The following SMARCAD1 variants were observed in gnomAD, a reference collection of about 807,000 sequenced individuals.
The protein encoded by SMARCAD1 is SWI/SNF-related matrix-associated actin-dependent regulator of chromatin subfamily A containing DEAD/H box 1.
A neutral mutation model predicts 127.1 loss-of-function variants in SMARCAD1; 25 were observed. The observed-to-expected ratio is 0.20, with a 90% CI of 0.14 to 0.27. The LOEUF is 0.27. SMARCAD1 is among the 10% of genes least tolerant of loss of function. The pLI, the probability that SMARCAD1 is intolerant of heterozygous loss-of-function variation, is 1.00. For synonymous variants in SMARCAD1, 400 were observed against 396.9 expected (o/e 1.01, Z -0.09); for missense variants, 807 against 1,206.0 (o/e 0.67, Z 4.90).
intron 16 of SMARCAD1, among the ~76,000 whole-genome samples, chr4:94,277,746 A>G (rs1753504235): frequency 6.6e-6 from 1 of 152,142 alleles, no homozygotes; most frequent in South Asian, 2.1e-4. Flanking sequence ...CTTCCACATC[A>G]CTAATCTTTT....
At chr4:94,284,325 T>TTAA (rs1754547876) in intron 22 of SMARCAD1, among the ~76,000 whole-genome samples, 1 of 15,260 alleles carries the variant, frequency 6.6e-5, no homozygotes, top group African/African-American at 6.0e-4. Context: ...AGACTCCGTC[T>TTAA]CAAAAAAAAA....
At chr4:94,285,260 A>G (rs985956021) in intron 23 of SMARCAD1, among the ~76,000 whole-genome samples, 191 bp downstream of exon 23, 1 of 152,196 alleles carries the variant, frequency 6.6e-6, no homozygotes, top group Non-Finnish European at 1.5e-5. Context: ...CTTAAGTTCA[A>G]AATTTTTATT....
intron 7 of SMARCAD1, 117 bp downstream of exon 7, chr4:94,249,872 A>G (rs1749017543): frequency 4.4e-6 from 3 of 677,964 alleles, no homozygotes; most frequent in East Asian, 2.6e-5. Context: ...TTCTAATTAA[A>G]TGTTCTCCTT....
Position 94,216,594 on chromosome 4 carries a change from T to C in SMARCAD1, c.190+8010T>C, listed in dbSNP as rs560262385. Among the ~76,000 whole-genome samples, 5 of 152,336 alleles carry C rather than the reference T, an allele frequency of 3.3e-5. No homozygotes were observed. In the South Asian group the frequency reaches 1.0e-3, roughly 32 times the overall value. ...TTCATCTTGTGAAACTGAAACTCTT[T>C]ATGCATTGAACAACTACTCCTCATT... On this transcript the variant is annotated intron_variant, in intron 2 of 23. Coordinates refer to ENST00000354268, the MANE Select transcript of SMARCAD1 (RefSeq NM_020159.5).
At chr4:94,252,520 A>G in intron 8 of SMARCAD1, 96 bp from the exon 9 acceptor site, 1 of 801,344 alleles carries the variant, frequency 1.2e-6, no homozygotes. Flanking sequence ...TTCTGTATTC[A>G]ATAGGAATAG....
Position 94,264,799 on chromosome 4 carries a change from T to G in SMARCAD1, c.1374T>G (p.Leu458=). Residue 458 remains leucine, a synonymous_variant, in exon 10 of 24, where the codon CTT becomes CTG. Coordinates refer to ENST00000354268, the MANE Select transcript of SMARCAD1 (RefSeq NM_020159.5). ...AAGAAAGAGATGTAGTTATAAGGCT[T>G]ATGAACAAATGTGAAGACATTTCAA... is the stretch of plus-strand genomic sequence containing the variant. ...LIQERDVVIR[L]MNKCEDISNK... 6.2e-7 allele frequency: 1 copy of G among 1,613,030 alleles called. No homozygotes were observed. Among genetic ancestry groups the G allele is most frequent in the East Asian group, 2.2e-5 (1 of 44,778 alleles).
At chr4:94,216,617 A>G in intron 2 of SMARCAD1, among the ~76,000 whole-genome samples, 1 of 152,016 alleles carries the variant, frequency 6.6e-6, no homozygotes. Context: ...ACTACTCCTC[A>G]TTTCTGATTC....
chr4:94,284,326 CAAAA>C (rs1161926658), intron 22 of SMARCAD1, among the ~76,000 whole-genome samples: 2 of 25,926 alleles, frequency 7.7e-5, no homozygotes, highest in African/African-American at 1.1e-4. Flanking sequence ...GACTCCGTCT[CAAAA>C]AAAAAAAAAA....
chr4:94,208,167 TAA>T (rs772851581), intron 1 of SMARCAD1, 97 bp downstream of exon 1: 2 of 681,810 alleles, frequency 2.9e-6, no homozygotes, highest in South Asian at 1.5e-5. Flanking sequence ...TGGAAAATTT[TAA>T]AAGATACCCC....
intron 9 of SMARCAD1, among the ~76,000 whole-genome samples, chr4:94,260,629 C>G (rs1397478742): frequency 6.6e-6 from 1 of 152,194 alleles, no homozygotes; most frequent in Non-Finnish European, 1.5e-5. Context: ...AGCCACCATG[C>G]TGGCCTGCAA....
In SMARCAD1 at chr4:94,240,772, A is replaced by G. The variant is rs1747457559; in HGVS notation, c.605-134A>G. ...TTTTTTTCAATTCAGTCATATGTAGAACAACAAACACTGGGCCTGATATCA... is the reference window on the plus strand; with the variant it reads ...TTTTTTTCAATTCAGTCATATGTAGGACAACAAACACTGGGCCTGATATCA... On this transcript the variant is annotated intron_variant, in intron 5 of 23. Coordinates refer to ENST00000354268, the MANE Select transcript of SMARCAD1 (RefSeq NM_020159.5). 2 of 695,708 alleles carry G rather than the reference A, an allele frequency of 2.9e-6. 1 individual carries two copies. The highest frequency in any genetic ancestry group is 4.4e-5 in the Admixed American group (2 of 45,070). 43.1% of individuals were successfully genotyped at this position (695,708 alleles called of 1,614,324 possible).
At position 94,276,587 on chromosome 4, in the gene SMARCAD1, A is replaced by G. The variant is rs1753334811; in HGVS notation, c.1944+113A>G. 11 of 1,348,340 alleles carry G rather than the reference A, an allele frequency of 8.2e-6. No homozygotes were observed. The Admixed American group carries it at 2.4e-4, about 30-fold the overall frequency. The allele number at this position is 1,348,340 out of a possible 1,614,324, so 83.5% of individuals were successfully genotyped here. ...TATTATGTAGTTTAATATATGTAGT[A>G]TTCTGTGTTAGCAAGTTTTTTCTGT... On this transcript the variant is annotated intron_variant, in intron 15 of 23. Transcript: ENST00000354268.
chr4:94,272,681 T>C (rs1752708351), intron 11 of SMARCAD1, among the ~76,000 whole-genome samples: 1 of 152,192 alleles, frequency 6.6e-6, no homozygotes, highest in African/African-American at 2.4e-5. Context: ...AATTTTTTTG[T>C]TTCTGTTTTT....
intron 6 of SMARCAD1, among the ~76,000 whole-genome samples, chr4:94,248,073 C>T (rs1748730532): frequency 6.6e-6 from 1 of 152,172 alleles, no homozygotes; most frequent in Non-Finnish European, 1.5e-5. Context: ...ATGTTTAGCT[C>T]CCATTTATAA....
At chr4:94,220,491 GC>G (rs1404232485) in intron 2 of SMARCAD1, among the ~76,000 whole-genome samples, 3 of 152,016 alleles carry the variant, frequency 2.0e-5, no homozygotes, top group Non-Finnish European at 4.4e-5. Flanking sequence ...CAAGTGATCT[GC>G]CCGTCTCGGC....
chr4:94,214,272 T>TG (rs2125793894), intron 2 of SMARCAD1, among the ~76,000 whole-genome samples: 1 of 151,190 alleles, frequency 6.6e-6, no homozygotes, highest in African/African-American at 2.4e-5. Flanking sequence ...TTTGTTTTTT[T>TG]TTTTTTTTTT....
At chr4:94,265,446 C>G (rs980948259) in intron 10 of SMARCAD1, among the ~76,000 whole-genome samples, 1 of 151,616 alleles carries the variant, frequency 6.6e-6, no homozygotes, top group African/African-American at 2.4e-5. Context: ...TTAAATAGAT[C>G]ATATAAGTCT....
intron 14 of SMARCAD1, among the ~76,000 whole-genome samples, chr4:94,275,707 A>G (rs887943410): frequency 1.3e-5 from 2 of 151,774 alleles, no homozygotes; most frequent in African/African-American, 2.4e-5. Flanking sequence ...AAAATATAAC[A>G]CTTCATGGAG....
intron 9 of SMARCAD1, among the ~76,000 whole-genome samples, chr4:94,262,292 A>G (rs551087192): frequency 6.6e-6 from 1 of 152,296 alleles, no homozygotes; most frequent in East Asian, 1.9e-4. Flanking sequence ...ATCTCAATAG[A>G]TGGTACCACT....
Sources: allele counts gnomAD v4.1 joint callset (sites outside exome capture counted in the v4.1 genomes callset), GRCh38; gene constraint gnomAD v4.1.1; transcripts MANE v1.5; gene names NCBI Gene and HGNC (gene_info 2026-07-23, HGNC 2026-07-21).